ZNF638: variants seen among roughly 807,000 people sequenced by gnomAD.
The protein encoded by ZNF638 is zinc finger protein 638.
A neutral mutation model predicts 195.6 loss-of-function variants in ZNF638; 46 were observed. The ratio of observed to expected loss-of-function variants is 0.24; its 90% CI spans 0.19 to 0.30. ZNF638 has a LOEUF of 0.30. ZNF638 is among the 10% of genes least tolerant of loss of function. The pLI, the probability that ZNF638 is intolerant of heterozygous loss-of-function variation, is 1.00. For synonymous variants in ZNF638, 845 were observed against 772.0 expected (o/e 1.09, Z -1.57); for missense variants, 2,440 against 2,325.3 (o/e 1.05, Z -1.01).
chr2:71,417,400 C>G (rs543984727), intron 20 of ZNF638, among the ~76,000 whole-genome samples: 2 of 151,220 alleles, frequency 1.3e-5, no homozygotes, highest in Admixed American at 1.3e-4. Context: ...GAGATGAACC[C>G]GGTACCTCAG....
chr2:71,368,995 T>C (rs1309433206), intron 7 of ZNF638, among the ~76,000 whole-genome samples: 2 of 152,232 alleles, frequency 1.3e-5, no homozygotes, highest in Non-Finnish European at 2.9e-5. Flanking sequence ...ACTCACATGA[T>C]AAAGTTAAGA....
chr2:71,431,303 CT>C (rs35528795), intron 25 of ZNF638, 23 bp from the exon 26 acceptor site: 4 of 1,587,906 alleles, frequency 2.5e-6, no homozygotes, highest in Admixed American at 1.7e-5. Context: ...TTCTGAATAG[CT>C]TTTTTTCCTC....
At chr2:71,342,859 AT>A (rs1193048923) in intron 1 of ZNF638, among the ~76,000 whole-genome samples, 3 of 152,170 alleles carry the variant, frequency 2.0e-5, no homozygotes, top group African/African-American at 7.2e-5. Context: ...GCGAAGACTA[AT>A]GTTTTAGCTG....
chr2:71,431,303 C>CT lies in ZNF638; in HGVS notation c.5651-17dup, dbSNP rs35528795. Reference sequence around the variant, plus strand: ...AAGTCTGTAAATCTATTCTGAATAGCTTTTTTTCCTCGAAAAATTTTAGTT... The same window carrying CT: ...AAGTCTGTAAATCTATTCTGAATAGCTTTTTTTTCCTCGAAAAATTTTAGTT... On this transcript the variant is annotated intron_variant, in intron 25 of 27. Transcript: ENST00000264447. 4.8e-5 allele frequency: 76 copies of CT among 1,587,962 alleles called. No homozygotes were observed. The African/African-American group carries it at 1.0e-3, about 21-fold the overall frequency.
At position 71,434,850 on chromosome 2, in the gene ZNF638, C is replaced by G; in HGVS notation, c.*43C>G. On this transcript the variant is annotated 3_prime_UTR_variant, in exon 28 of 28. Coordinates refer to ENST00000264447, the MANE Select transcript of ZNF638 (RefSeq NM_014497.5). ...ATTCACTAGAAATTTGTTTAGGGTC[C>G]AGTTGATTTGTGTATTTTTGTTATC... The G allele has an allele frequency of 6.7e-7, 1 of 1,495,538 alleles. No individual in the cohort carries two copies. Among genetic ancestry groups the G allele is most frequent in the Non-Finnish European group, 9.1e-7 (1 of 1,101,582 alleles). The allele number at this position is 1,495,538 out of a possible 1,614,324, so 92.6% of individuals were successfully genotyped here.
chr2:71,344,528 C>G (rs1308518192), intron 1 of ZNF638, among the ~76,000 whole-genome samples: 2 of 115,522 alleles, frequency 1.7e-5, no homozygotes, highest in Non-Finnish European at 3.8e-5. Flanking sequence ...GCTGTAATAT[C>G]TTTGGTCAGT....
rs369519442 is a variant in ZNF638, at chr2:71,423,098, C to A, written c.3584C>A (p.Ala1195Asp). ...AGTATTGAACAATTCACTGAAAATGCCGAGGAGTGTGCTTTAAATCAGCAG... is the reference window on the plus strand; with the variant it reads ...AGTATTGAACAATTCACTGAAAATGACGAGGAGTGTGCTTTAAATCAGCAG... ...SVSIEQFTEN[A>D]EECALNQQMF... The change falls in exon 22 of 28, where the codon GCC becomes GAC. Residue 1195 changes from alanine to aspartate, a missense_variant. Ala to Asp is a moderately radical substitution (Grantham distance 126). This residue lies in a region of ZNF638 where 1,883 missense variants were observed against 1,739.1 expected (regional missense o/e 1.08). Coordinates refer to ENST00000264447, the MANE Select transcript of ZNF638 (RefSeq NM_014497.5). The A allele has an allele frequency of 1.4e-4, 229 of 1,613,930 alleles. No individual in the cohort carries two copies. Among genetic ancestry groups the A allele is most frequent in the Non-Finnish European group, 1.9e-4 (227 of 1,179,984 alleles).
Position 71,350,003 on chromosome 2 carries a change from G to C in ZNF638, c.1049G>C (p.Arg350Pro), listed in dbSNP as rs774301789. 5 of 1,614,036 alleles carry C rather than the reference G, an allele frequency of 3.1e-6. No homozygotes were observed. The Admixed American group carries it at 8.3e-5, about 27-fold the overall frequency. ...ATTTCATCTGTAAGCCAGCAAGAGC[G>C]GATCCCACATGAACCTGTGATTAAT... ...ELISSVSQQE[R>P]IPHEPVINSS... is the part of the protein sequence containing the mutation. The change falls in exon 2 of 28, where the codon CGG becomes CCG. Residue 350 changes from arginine to proline, a missense_variant. Physicochemically the swap from Arg to Pro is moderately radical, Grantham distance 103. Coordinates refer to ENST00000264447, the MANE Select transcript of ZNF638 (RefSeq NM_014497.5).
chr2:71,351,683 T>C (rs933713345), intron 2 of ZNF638, among the ~76,000 whole-genome samples: 28 of 152,354 alleles, frequency 1.8e-4, no homozygotes, highest in African/African-American at 5.8e-4. Context: ...TATGTACTTA[T>C]GGATACCAGT....
intron 14 of ZNF638, 29 bp from the exon 15 acceptor site, chr2:71,400,449 C>T (rs762192863): frequency 1.3e-6 from 2 of 1,589,920 alleles, no homozygotes; most frequent in Non-Finnish European, 1.7e-6. Context: ...AGTATGTCTG[C>T]ATTGTTTTTA....
intron 10 of ZNF638, chr2:71,393,429 T>TA (rs1204074747): frequency 1.4e-6 from 1 of 718,466 alleles, no homozygotes; most frequent in Non-Finnish European, 2.6e-6. Flanking sequence ...CATCAGACCA[T>TA]ACCATGGCGT....
Position 71,427,006 on chromosome 2 carries a change from G to A in ZNF638, c.5137G>A (p.Asp1713Asn), listed in dbSNP as rs2080552922. 2 of 1,612,638 alleles carry A rather than the reference G, an allele frequency of 1.2e-6. No individual in the cohort carries two copies. Among genetic ancestry groups the A allele is most frequent in the Non-Finnish European group, 1.7e-6 (2 of 1,179,478 alleles). Residue 1713 changes from aspartate to asparagine, a missense_variant, in exon 24 of 28, where the codon GAT (aspartate) becomes AAT (asparagine). Physicochemically the swap from Asp to Asn is conservative, Grantham distance 23 (BLOSUM62 1). Transcript: ENST00000264447. ...ATLNTKGNEG[D>N]TVRDSIGFIS... ...TTTAAATACTAAAGGAAATGAAGGA[G>A]ATACTGTAAGGGATTCCATTGGCTT...
At chr2:71,424,834 A>G (rs2080505290) in intron 23 of ZNF638, 119 bp downstream of exon 23, 5 of 732,800 alleles carry the variant, frequency 6.8e-6, no homozygotes, top group Non-Finnish European at 6.6e-6. Context: ...AGCAAGGGAT[A>G]GGAATGAGAT....
intron 16 of ZNF638, among the ~76,000 whole-genome samples, chr2:71,402,635 CAA>C (rs2080029700): frequency 6.6e-6 from 1 of 152,056 alleles, no homozygotes; most frequent in Non-Finnish European, 1.5e-5. Context: ...ATACTTAAAA[CAA>C]TCTAGGTTTA....
Position 71,398,735 on chromosome 2 carries a change from G to A in ZNF638, c.2463G>A (p.Thr821=), listed in dbSNP as rs137938593. The change falls in exon 12 of 28, where the codon ACG becomes ACA. Residue 821 remains threonine, a synonymous_variant. Coordinates refer to ENST00000264447, the MANE Select transcript of ZNF638 (RefSeq NM_014497.5). ...KSASSVKSVV[T]VAVKGNKASI... ...CAAGTTCTGTAAAATCTGTGGTAAC[G>A]GTAGCTGTTAAAGGTAATAAAGCTT... The A allele has an allele frequency of 7.4e-6, 12 of 1,613,150 alleles. No individual in the cohort carries two copies. Among genetic ancestry groups the A allele is most frequent in the Admixed American group, 1.7e-5 (1 of 59,972 alleles).
At chr2:71,345,339 C>CT (rs1316137896) in intron 1 of ZNF638, among the ~76,000 whole-genome samples, 2 of 152,060 alleles carry the variant, frequency 1.3e-5, no homozygotes, top group African/African-American at 4.8e-5. Flanking sequence ...ATAATGCTTA[C>CT]TTTTTTTAAC....
chr2:71,384,179 A>G (rs948433320), intron 10 of ZNF638, among the ~76,000 whole-genome samples: 1 of 152,124 alleles, frequency 6.6e-6, no homozygotes, highest in African/African-American at 2.4e-5. Context: ...CTTTATATGT[A>G]GCTCCATCAT....
intron 21 of ZNF638, among the ~76,000 whole-genome samples, chr2:71,422,228 TC>T (rs1184465312): frequency 2.0e-5 from 3 of 152,120 alleles, no homozygotes; most frequent in Non-Finnish European, 2.9e-5. Flanking sequence ...AAGAATACTT[TC>T]CAAATAATGT....
Position 71,387,836 on chromosome 2 carries a change from A to G in ZNF638, c.2377+7271A>G, listed in dbSNP as rs536615109. On this transcript the variant is annotated intron_variant, in intron 10 of 27. Coordinates refer to ENST00000264447, the MANE Select transcript of ZNF638 (RefSeq NM_014497.5). ...TTGACTACATAAAATGTATTAATGC[A>G]TAAGTATTTTGAGTGACTTTAGAAA... Among the ~76,000 whole-genome samples, 13 of 152,338 alleles carry G rather than the reference A, an allele frequency of 8.5e-5. No homozygotes were observed. In the East Asian group the frequency reaches 1.2e-3, roughly 14 times the overall value.
Sources: allele counts gnomAD v4.1 joint callset (sites outside exome capture counted in the v4.1 genomes callset), GRCh38; gene constraint gnomAD v4.1.1; regional missense constraint gnomAD v4.1.1; transcripts MANE v1.5; gene names NCBI Gene and HGNC (gene_info 2026-07-23, HGNC 2026-07-21).